CSMD1: variants seen among roughly 807,000 people sequenced by gnomAD.
CSMD1 encodes CUB and sushi domain-containing protein 1.
CSMD1 carries 213 observed loss-of-function variants against 417.5 expected under a neutral mutation model. The ratio of observed to expected loss-of-function variants is 0.51; its 90% CI spans 0.46 to 0.57. The LOEUF is 0.57. CSMD1 is among the 20% of genes least tolerant of loss of function. CSMD1 has a pLI of 0.00. For synonymous variants in CSMD1, 2,862 were observed against 1,736.8 expected (o/e 1.65, Z -16.11); for missense variants, 6,923 against 4,529.7 (o/e 1.53, Z -15.17).
At chr8:4,794,473 T>G (rs1269831614) in intron 1 of CSMD1, among the ~76,000 whole-genome samples, 1 of 152,090 alleles carries the variant, frequency 6.6e-6, no homozygotes, top group Admixed American at 6.6e-5. Context: ...TAAAATCCAG[T>G]ACAAAATGGG....
At chr8:3,730,853 C>T (rs2129047527) in intron 6 of CSMD1, among the ~76,000 whole-genome samples, 1 of 152,196 alleles carries the variant, frequency 6.6e-6, no homozygotes, top group Non-Finnish European at 1.5e-5. Context: ...GGAAATTATG[C>T]TAGAGGTGAT....
At position 3,587,714 on chromosome 8, in the gene CSMD1, A is replaced by G. The variant is rs142637626; in HGVS notation, c.1098-1454T>C. Among the ~76,000 whole-genome samples the G allele has an allele frequency of 2.8e-3, 419 of 152,278 alleles. 3 individuals carry two copies. The highest frequency in any genetic ancestry group is 9.8e-3 in the African/African-American group (406 of 41,576). ...ATTCTAGGTAAACAAAATTAAACAC[A>G]TTTCTTTTCTAAAGGGGCATCTCAT... On this transcript the variant is annotated intron_variant, in intron 8 of 69. Coordinates refer to ENST00000635120, the MANE Select transcript of CSMD1 (RefSeq NM_033225.6).
At chr8:4,943,590 T>C (rs1462335688) in intron 1 of CSMD1, among the ~76,000 whole-genome samples, 1 of 152,108 alleles carries the variant, frequency 6.6e-6, no homozygotes, top group Non-Finnish European at 1.5e-5. Context: ...CTTTAAACAA[T>C]TAAAAAATAT....
At chr8:4,250,998 A>T (rs1261245579) in intron 3 of CSMD1, among the ~76,000 whole-genome samples, 1 of 152,186 alleles carries the variant, frequency 6.6e-6, no homozygotes, top group Non-Finnish European at 1.5e-5. Context: ...ATATTTCCTA[A>T]ATCACAGTTA....
intron 2 of CSMD1, among the ~76,000 whole-genome samples, chr8:4,511,873 T>A (rs2130348194): frequency 6.6e-6 from 1 of 152,256 alleles, no homozygotes; most frequent in East Asian, 1.9e-4. Context: ...AAGAGCCTCC[T>A]CCTGCTTCCA....
chr8:4,449,134 A>G (rs1198514805), intron 2 of CSMD1, among the ~76,000 whole-genome samples: 1 of 152,230 alleles, frequency 6.6e-6, no homozygotes, highest in African/African-American at 2.4e-5. Flanking sequence ...AATGAAGTCT[A>G]ACCAGACTTT....
intron 12 of CSMD1, among the ~76,000 whole-genome samples, chr8:3,410,434 G>T (rs1364278871): frequency 1.3e-5 from 2 of 152,138 alleles, no homozygotes; most frequent in Non-Finnish European, 2.9e-5. Context: ...CTGGTGGGAG[G>T]TAATTGATCA....
chr8:4,735,957 T>C (rs1345641447), intron 1 of CSMD1, among the ~76,000 whole-genome samples: 1 of 152,190 alleles, frequency 6.6e-6, no homozygotes, highest in Non-Finnish European at 1.5e-5. Context: ...AATGTTATCC[T>C]ATTTAACACT....
intron 3 of CSMD1, among the ~76,000 whole-genome samples, chr8:4,053,754 A>G (rs1173841967): frequency 1.3e-5 from 2 of 152,162 alleles, no homozygotes; most frequent in Non-Finnish European, 2.9e-5. Context: ...TCCTCTGGAT[A>G]TGATGGCATT....
chr8:3,335,832 T>C (rs1481443139), intron 23 of CSMD1, among the ~76,000 whole-genome samples: 1 of 152,204 alleles, frequency 6.6e-6, no homozygotes, highest in Non-Finnish European at 1.5e-5. Context: ...ATTTGCATTT[T>C]GCCAGGGTGG....
chr8:3,769,696 G>A (rs1432000140), intron 5 of CSMD1, among the ~76,000 whole-genome samples: 4 of 152,024 alleles, frequency 2.6e-5, no homozygotes, highest in African/African-American at 9.7e-5. Flanking sequence ...TGTGAATTCT[G>A]TGAACTATTC....
chr8:4,545,779 ACC>A (rs1797602111), intron 2 of CSMD1, among the ~76,000 whole-genome samples: 1 of 152,208 alleles, frequency 6.6e-6, no homozygotes, highest in Non-Finnish European at 1.5e-5. Context: ...GGAATCATGC[ACC>A]ATGTTAAAAT....
At chr8:4,770,103 C>T (rs1796525922) in intron 1 of CSMD1, among the ~76,000 whole-genome samples, 2 of 151,618 alleles carry the variant, frequency 1.3e-5, no homozygotes, top group South Asian at 4.2e-4. Flanking sequence ...GCTCATAGAT[C>T]AAAATACTTA....
At chr8:4,459,826 C>A (rs922090910) in intron 2 of CSMD1, among the ~76,000 whole-genome samples, 1 of 152,148 alleles carries the variant, frequency 6.6e-6, no homozygotes, top group Non-Finnish European at 1.5e-5. Flanking sequence ...TACTTTGTGT[C>A]ACTGGGCCTA....
chr8:3,178,866 G>T (rs745427224), intron 37 of CSMD1, among the ~76,000 whole-genome samples: 4 of 151,672 alleles, frequency 2.6e-5, no homozygotes, highest in African/African-American at 7.3e-5. Flanking sequence ...ATCTTTTGGC[G>T]ATTTACATCA....
chr8:4,075,669 G>T (rs954663011), intron 3 of CSMD1, among the ~76,000 whole-genome samples: 1 of 152,116 alleles, frequency 6.6e-6, no homozygotes, highest in African/African-American at 2.4e-5. Context: ...TTTGTGAGAC[G>T]TTTTGGAGCA....
chr8:4,359,608 C>T (rs1177452835), intron 3 of CSMD1, among the ~76,000 whole-genome samples: 1 of 152,174 alleles, frequency 6.6e-6, no homozygotes, highest in Admixed American at 6.5e-5. Flanking sequence ...TGAATTAACT[C>T]AAGAGTCAAT....
chr8:3,353,582 G>C (rs1410973581), intron 21 of CSMD1, among the ~76,000 whole-genome samples: 1 of 152,164 alleles, frequency 6.6e-6, no homozygotes, highest in East Asian at 1.9e-4. Context: ...AATTTAATAA[G>C]ACACTGACAT....
intron 6 of CSMD1, among the ~76,000 whole-genome samples, chr8:3,746,371 T>G (rs1388804401): frequency 2.0e-5 from 3 of 152,356 alleles, no homozygotes; most frequent in Admixed American, 2.0e-4. Context: ...AGCTGAGATT[T>G]ACTGGATACC....
Sources: allele counts gnomAD v4.1 joint callset (sites outside exome capture counted in the v4.1 genomes callset), GRCh38; gene constraint gnomAD v4.1.1; transcripts MANE v1.5; gene names NCBI Gene and HGNC (gene_info 2026-07-23, HGNC 2026-07-21).